Variants in NWD1 observed in about 807,000 individuals in gnomAD.
NWD1 encodes NACHT and WD repeat domain containing 1.
A neutral mutation model predicts 135.1 loss-of-function variants in NWD1; 129 were observed. The observed-to-expected ratio is 0.96, with a 90% CI of 0.83 to 1.11. The LOEUF (loss-of-function observed/expected upper bound fraction) is 1.11, where lower values mean the gene tolerates loss of function less well. Ranked by LOEUF, NWD1 falls within the 50% of genes least tolerant of loss-of-function variation. The pLI, the probability that NWD1 is intolerant of heterozygous loss-of-function variation, is 0.00. For missense variants in NWD1, 1,740 were observed against 1,851.3 expected (o/e 0.94, Z 1.10); for synonymous variants, 773 against 786.0 (o/e 0.98, Z 0.28).
At chr19:16,807,207 C>A (rs1182087517) in intron 17 of NWD1, among the ~76,000 whole-genome samples, 1 of 149,024 alleles carries the variant, frequency 6.7e-6, no homozygotes, top group East Asian at 2.0e-4. Flanking sequence ...AAAATATGAA[C>A]ACCAGGCCGG....
chr19:16,732,659 A>AAAAAAAAAAAG (rs1755033025), intron 3 of NWD1, among the ~76,000 whole-genome samples: 1 of 116,938 alleles, frequency 8.6e-6, no homozygotes, highest in African/African-American at 4.2e-5. Context: ...CATCTCAAAA[A>AAAAAAAAAAAG]AAAAAAAAAA....
At position 16,791,530 on chromosome 19, in the gene NWD1, T is replaced by C; in HGVS notation, c.3121T>C (p.Ser1041Pro). 6.2e-7 allele frequency: 1 copy of C among 1,614,116 alleles called. No individual in the cohort carries two copies. Among genetic ancestry groups the C allele is most frequent in the Non-Finnish European group, 8.5e-7 (1 of 1,179,992 alleles). ...AAAACTTCAGGGGAAGCAACATATG[T>C]CCAGCATCAAAGAAGAAACACCTAC... ...TGKLQGKQHM[S>P]SIKEETPTCA... The change falls in exon 14 of 19, where the codon TCC (serine) becomes CCC (proline). Residue 1041 changes from serine to proline, a missense_variant. Ser to Pro is a moderately conservative substitution (Grantham distance 74). Coordinates refer to ENST00000524140, the MANE Select transcript of NWD1 (RefSeq NM_001007525.5).
intron 4 of NWD1, among the ~76,000 whole-genome samples, chr19:16,737,977 AAAGAAAAGAAAAG>A (rs1967897567): frequency 6.7e-6 from 1 of 149,614 alleles, no homozygotes; most frequent in African/African-American, 2.5e-5. Flanking sequence ...AAAGAAAAGA[AAAGAAAAGAAAAG>A]AAAAGAAAAG....
intron 18 of NWD1, among the ~76,000 whole-genome samples, chr19:16,814,109 A>G (rs1803883280): frequency 6.6e-6 from 1 of 152,174 alleles, no homozygotes; most frequent in Non-Finnish European, 1.5e-5. Context: ...GCAGTGAGCC[A>G]TGATAGCACC....
rs1242289758 is a variant in NWD1, at chr19:16,815,808, C to G, written c.*769C>G. 1.9e-5 allele frequency: 3 copies of G among 156,082 alleles called. No individual in the cohort carries two copies. Among genetic ancestry groups the G allele is most frequent in the African/African-American group, 7.2e-5 (3 of 41,434 alleles). The allele number at this position is 156,082 out of a possible 1,614,324, so 9.7% of individuals were successfully genotyped here. On this transcript the variant is annotated 3_prime_UTR_variant, in exon 19 of 19. Coordinates refer to ENST00000524140, the MANE Select transcript of NWD1 (RefSeq NM_001007525.5). Reference sequence around the variant, plus strand: ...GGGAACGGATGAATGTGAGATACAGCAAATCACTGATGTGGACCACAGAAC... The same window carrying G: ...GGGAACGGATGAATGTGAGATACAGGAAATCACTGATGTGGACCACAGAAC...
At chr19:16,744,779 T>C (rs575211683) in intron 5 of NWD1, 61 bp downstream of exon 5, 22 of 1,401,256 alleles carry the variant, frequency 1.6e-5, no homozygotes, top group South Asian at 1.4e-4. Context: ...GTTCAGAATA[T>C]CCATCCCCTG....
chr19:16,731,603 C>G (rs902834294), intron 3 of NWD1, among the ~76,000 whole-genome samples: 1 of 136,946 alleles, frequency 7.3e-6, no homozygotes, highest in African/African-American at 2.9e-5. Flanking sequence ...CTGAGCCCAG[C>G]CCCATGCTTT....
intron 8 of NWD1, 49 bp from the exon 9 acceptor site, chr19:16,763,779 G>A (rs751986842): frequency 8.6e-7 from 1 of 1,163,938 alleles, no homozygotes; most frequent in East Asian, 2.3e-5. Context: ...TGCGTGGAGT[G>A]AATGAATGGG....
At chr19:16,792,812 G>A (rs28463833) in intron 14 of NWD1, among the ~76,000 whole-genome samples, 2 of 151,504 alleles carry the variant, frequency 1.3e-5, no homozygotes, top group Non-Finnish European at 2.9e-5. Context: ...GGGAGGTGGA[G>A]GTTGCAGTGA....
At chr19:16,745,463 GCCTA>G (rs1455916569) in intron 5 of NWD1, among the ~76,000 whole-genome samples, 1 of 151,528 alleles carries the variant, frequency 6.6e-6, no homozygotes, top group Non-Finnish European at 1.5e-5. Flanking sequence ...GCCCAGTAGT[GCCTA>G]CCTGTAATCC....
chr19:16,757,538 C>T (rs1192163894), intron 6 of NWD1, among the ~76,000 whole-genome samples: 2 of 152,218 alleles, frequency 1.3e-5, no homozygotes, highest in East Asian at 1.9e-4. Flanking sequence ...GTACATTCCT[C>T]ACCAAGGTCT....
At chr19:16,807,523 G>C in intron 17 of NWD1, 63 bp from the exon 18 acceptor site, 1 of 1,362,506 alleles carries the variant, frequency 7.3e-7, no homozygotes, top group Non-Finnish European at 1.0e-6. Flanking sequence ...AAAACCACCA[G>C]GGAAGCAGGG....
chr19:16,735,687 A>G (rs1200015021), intron 3 of NWD1, among the ~76,000 whole-genome samples: 1 of 151,872 alleles, frequency 6.6e-6, no homozygotes, highest in African/African-American at 2.4e-5. Context: ...AAAATTAGCC[A>G]GGCATGGTGG....
intron 5 of NWD1, among the ~76,000 whole-genome samples, chr19:16,748,390 C>A (rs1277750001): frequency 6.6e-6 from 1 of 152,108 alleles, no homozygotes; most frequent in African/African-American, 2.4e-5. Context: ...CAGGTATTTT[C>A]AGCAGATACC....
chr19:16,773,778 A>G (rs1230826290), intron 11 of NWD1, among the ~76,000 whole-genome samples: 1 of 152,044 alleles, frequency 6.6e-6, no homozygotes, highest in Non-Finnish European at 1.5e-5. Flanking sequence ...CCTTCCATTC[A>G]TCCAACCATC....
At chr19:16,785,299 G>T (rs1970000230) in intron 12 of NWD1, among the ~76,000 whole-genome samples, 1 of 152,028 alleles carries the variant, frequency 6.6e-6, no homozygotes, top group African/African-American at 2.4e-5. Flanking sequence ...ATCATTTGAG[G>T]TCAGAAGTTC....
At chr19:16,768,062 G>A (rs1969291615) in intron 10 of NWD1, among the ~76,000 whole-genome samples, 1 of 133,912 alleles carries the variant, frequency 7.5e-6, no homozygotes, top group South Asian at 2.4e-4. Context: ...CACGATCTCA[G>A]CTCACCGCAA....
At chr19:16,758,827 G>A (rs1045683000) in intron 6 of NWD1, among the ~76,000 whole-genome samples, 1 of 151,874 alleles carries the variant, frequency 6.6e-6, no homozygotes, top group East Asian at 1.9e-4. Flanking sequence ...GACTAACATG[G>A]TGAAACCCCG....
intron 10 of NWD1, among the ~76,000 whole-genome samples, chr19:16,768,246 T>C (rs985610448): frequency 9.9e-5 from 15 of 152,276 alleles, no homozygotes; most frequent in Non-Finnish European, 2.1e-4. Context: ...TCTGCCCACC[T>C]TGGCCTCCCA....
Sources: gnomAD v4.1 joint callset for allele counts (sites outside exome capture counted in the v4.1 genomes callset) on GRCh38, gnomAD v4.1.1 for gene constraint, MANE v1.5 for transcripts, NCBI Gene and HGNC (gene_info 2026-07-23, HGNC 2026-07-21) for gene names.